The following SEMA6D variants were observed in gnomAD, a reference collection of about 807,000 sequenced individuals.
SEMA6D encodes the protein semaphorin-6D.
Under a neutral mutation model 106.6 loss-of-function variants are expected in SEMA6D, and 35 were observed. That is an observed-to-expected ratio of 0.33 (90% CI 0.25 to 0.44). The LOEUF is 0.44. SEMA6D is among the 20% of genes least tolerant of loss of function. SEMA6D has a pLI of 1.00. For missense variants in SEMA6D, 1,185 were observed against 1,345.9 expected, an observed-to-expected ratio of 0.88 and a Z score of 1.87; for synonymous variants, 499 against 487.7, an observed-to-expected ratio of 1.02 and a Z score of -0.31.
At chr15:47,303,864 A>C (rs2036118325) in intron 1 of SEMA6D, among the ~76,000 whole-genome samples, 1 of 152,132 alleles carries the variant, frequency 6.6e-6, no homozygotes, top group Admixed American at 6.5e-5. Context: ...AACTGTGCTT[A>C]TGCCTGAGAG....
intron 1 of SEMA6D, among the ~76,000 whole-genome samples, chr15:47,275,860 C>T (rs1253135167): frequency 6.6e-6 from 1 of 152,088 alleles, no homozygotes; most frequent in East Asian, 1.9e-4. Flanking sequence ...GAAAGCAAGG[C>T]CTCTTGTACC....
At chr15:47,493,877 A>G (rs776523170) in intron 3 of SEMA6D, among the ~76,000 whole-genome samples, 9 of 152,290 alleles carry the variant, frequency 5.9e-5, no homozygotes, top group Non-Finnish European at 1.2e-4. Context: ...AGTTCTTTGT[A>G]AAATTCATGG....
intron 3 of SEMA6D, among the ~76,000 whole-genome samples, chr15:47,515,189 CA>C (rs1223098555): frequency 1.3e-5 from 2 of 152,160 alleles, no homozygotes; most frequent in African/African-American, 2.4e-5. Flanking sequence ...TCACCTCCTT[CA>C]AGCCTTTGTT....
intron 1 of SEMA6D, among the ~76,000 whole-genome samples, chr15:47,242,794 A>T (rs1035599093): frequency 6.6e-6 from 1 of 152,154 alleles, no homozygotes. Flanking sequence ...TTAAACAAGT[A>T]GAGGTGACTC....
At chr15:47,726,654 G>T (rs903040164) in intron 1 of SEMA6D, among the ~76,000 whole-genome samples, 3 of 152,166 alleles carry the variant, frequency 2.0e-5, no homozygotes, top group Admixed American at 6.5e-5. Flanking sequence ...ATAAAAGGTG[G>T]ATGATGGTGG....
At chr15:47,315,988 G>A (rs897589573) in intron 1 of SEMA6D, among the ~76,000 whole-genome samples, 13 of 151,298 alleles carry the variant, frequency 8.6e-5, no homozygotes, top group Non-Finnish European at 1.8e-4. Flanking sequence ...GTTTCGAGAG[G>A]GTTTTTTTTT....
chr15:47,369,905 G>A (rs1473909857), intron 1 of SEMA6D, among the ~76,000 whole-genome samples: 2 of 152,160 alleles, frequency 1.3e-5, no homozygotes, highest in Non-Finnish European at 2.9e-5. Context: ...TTGAATACCA[G>A]CAACTGTTTT....
intron 1 of SEMA6D, among the ~76,000 whole-genome samples, chr15:47,729,074 C>T (rs2079953134): frequency 6.6e-6 from 1 of 152,164 alleles, no homozygotes. Context: ...TTGCTAGGAG[C>T]GTGCGGCCAG....
At chr15:47,520,207 G>T (rs191742172) in intron 3 of SEMA6D, among the ~76,000 whole-genome samples, 1 of 152,040 alleles carries the variant, frequency 6.6e-6, no homozygotes, top group Non-Finnish European at 1.5e-5. Flanking sequence ...ATTTTCCTTT[G>T]GTTTTAAAAT....
At chr15:47,314,849 C>CTTTTTTTTTTTTT (rs1173992222) in intron 1 of SEMA6D, among the ~76,000 whole-genome samples, 1 of 83,918 alleles carries the variant, frequency 1.2e-5, no homozygotes, top group African/African-American at 5.3e-5. Flanking sequence ...TCTAGGTTTT[C>CTTTTTTTTTTTTT]TTTTTTTTTT....
intron 2 of SEMA6D, among the ~76,000 whole-genome samples, chr15:47,469,285 G>C (rs1248647436): frequency 6.7e-6 from 1 of 150,176 alleles, no homozygotes; most frequent in African/African-American, 2.5e-5. Context: ...AATGCCTGAG[G>C]ACAGTTGCTT....
At chr15:47,234,868 G>A (rs1305475212) in intron 1 of SEMA6D, among the ~76,000 whole-genome samples, 2 of 152,078 alleles carry the variant, frequency 1.3e-5, no homozygotes, top group Admixed American at 6.6e-5. Flanking sequence ...ATACCCAGTA[G>A]TGGGATTGCT....
chr15:47,465,017 T>C (rs970270699), intron 2 of SEMA6D, among the ~76,000 whole-genome samples: 11 of 152,168 alleles, frequency 7.2e-5, no homozygotes, highest in African/African-American at 2.4e-4. Context: ...TAGAATACTC[T>C]GTTTCTCTCC....
intron 1 of SEMA6D, among the ~76,000 whole-genome samples, chr15:47,734,436 A>T (rs565342327): frequency 1.1e-3 from 169 of 152,032 alleles, no homozygotes; most frequent in Non-Finnish European, 2.2e-3. Flanking sequence ...CAAATCCTTA[A>T]TTTTTTTCGA....
At chr15:47,194,653 A>G (rs1894208751) in intron 1 of SEMA6D, among the ~76,000 whole-genome samples, 1 of 152,226 alleles carries the variant, frequency 6.6e-6, no homozygotes, top group African/African-American at 2.4e-5. Flanking sequence ...ATATTTGTCT[A>G]GGAAATTACA....
chr15:47,287,564 G>A lies in SEMA6D; in HGVS notation c.-239+103146G>A, dbSNP rs1188144688. Among the ~76,000 whole-genome samples the A allele has an allele frequency of 2.6e-5, 4 of 152,044 alleles. No individual in the cohort carries two copies. The East Asian group carries it at 7.7e-4, about 29-fold the overall frequency. ...GAAAAAGGCAAATGGAAGTCAAAGT[G>A]ATGGTCTTCATTGTTATACCTCAGA... On this transcript the variant is annotated intron_variant, in intron 1 of 19. Coordinates refer to the SEMA6D transcript ENST00000558014.
At chr15:47,594,298 C>T (rs2076496528) in intron 3 of SEMA6D, among the ~76,000 whole-genome samples, 1 of 152,154 alleles carries the variant, frequency 6.6e-6, no homozygotes, top group Non-Finnish European at 1.5e-5. Context: ...TTCTTTTCCA[C>T]CTCCTGTTCC....
chr15:47,585,600 A>G (rs1228503907), intron 3 of SEMA6D, among the ~76,000 whole-genome samples: 1 of 152,214 alleles, frequency 6.6e-6, no homozygotes, highest in African/African-American at 2.4e-5. Flanking sequence ...AGCCTCCAAT[A>G]GCTCAACCAA....
At chr15:47,421,314 G>T (rs1430985778) in intron 2 of SEMA6D, among the ~76,000 whole-genome samples, 1 of 152,084 alleles carries the variant, frequency 6.6e-6, no homozygotes, top group East Asian at 1.9e-4. Context: ...TGGGACTGGT[G>T]TCTGGCTTTG....
Sources: allele counts gnomAD v4.1 joint callset (sites outside exome capture counted in the v4.1 genomes callset), GRCh38; gene constraint gnomAD v4.1.1; transcripts MANE v1.5; gene names NCBI Gene and HGNC (gene_info 2026-07-23, HGNC 2026-07-21).